Variants in F8 observed in about 807,000 individuals in gnomAD.
F8 encodes antihemophilic factor.
A neutral mutation model predicts 140.6 loss-of-function variants in F8; 12 were observed. The observed-to-expected ratio is 0.09, with a 90% CI of 0.05 to 0.14. F8 has a LOEUF of 0.14. F8 is among the 10% of genes least tolerant of loss of function. F8 has a pLI of 1.00. For missense variants in F8, 1,354 were observed against 1,720.7 expected (o/e 0.79, Z 3.77); for synonymous variants, 585 against 614.6 (o/e 0.95, Z 0.71).
rs1012836682 is a variant in F8, at chrX:154,964,450, A to G, written c.1443+1520T>C. Among the ~76,000 whole-genome samples the G allele has an allele frequency of 4.5e-5, 5 of 112,323 alleles. No individual in the cohort carries two copies. In the South Asian group the frequency reaches 1.8e-3, roughly 41 times the overall value. On this transcript the variant is annotated intron_variant, in intron 9 of 25. Coordinates refer to ENST00000360256, the MANE Select transcript of F8 (RefSeq NM_000132.4). Reference sequence around the variant, plus strand: ...GCTAATAAAAATTTTGAAGAAGTACAATGAAAGAAGATGTCATACAGATAT... The same window carrying G: ...GCTAATAAAAATTTTGAAGAAGTACGATGAAAGAAGATGTCATACAGATAT...
rs2073424711 is a variant in F8 at position 154,966,489 on chromosome X, T to C, written c.1208A>G (p.His403Arg). The C allele has an allele frequency of 8.3e-7, 1 of 1,211,639 alleles. No homozygotes were observed. Among genetic ancestry groups the C allele is most frequent in the East Asian group, 3.0e-5 (1 of 33,846 alleles). Residue 403 changes from histidine (H) to arginine (R), a missense_variant, in exon 8 of 26, where the codon CAT (histidine) becomes CGT (arginine). This residue lies in a region of F8 where 252 missense variants were observed against 338.5 expected (regional missense o/e 0.74). Transcript: ENST00000360256. ...VAKKHPKTWV[H>R]YIAAEEEDWD... ...GTCCTCCTCTTCAGCAGCAATGTAA[T>C]GTACCCAAGTTTTAGGATGCTTCTT...
At chrX:154,956,851 C>T in intron 11 of F8, 106 bp downstream of exon 11, 1 of 714,017 alleles carries the variant, frequency 1.4e-6, no homozygotes, top group Admixed American at 2.2e-5. Context: ...AAAAGCTAAG[C>T]TCATTTCTTT....
chrX:154,941,793 C>G (rs1158626412), intron 13 of F8, among the ~76,000 whole-genome samples: 3 of 109,526 alleles, frequency 2.7e-5, no homozygotes, highest in Non-Finnish European at 3.8e-5. Context: ...AAATGTAAAA[C>G]AACAGAAATT....
intron 1 of F8, among the ~76,000 whole-genome samples, chrX:155,005,920 T>C (rs1369865261): frequency 9.0e-6 from 1 of 111,676 alleles, no homozygotes; most frequent in Non-Finnish European, 1.9e-5. Flanking sequence ...TTATTCAGAC[T>C]GTATCACCTC....
chrX:154,959,326 C>T (rs1398611265), intron 10 of F8, among the ~76,000 whole-genome samples: 2 of 111,145 alleles, frequency 1.8e-5, no homozygotes, highest in Non-Finnish European at 3.8e-5. Flanking sequence ...GCAGAGGTTG[C>T]AGTGAGCCAA....
chrX:154,860,129 C>T (rs1322336494), intron 25 of F8, among the ~76,000 whole-genome samples: 1 of 111,509 alleles, frequency 9.0e-6, no homozygotes, highest in African/African-American at 3.3e-5. Context: ...TCCAGCAAAC[C>T]CAGATTAAGA....
Position 154,953,843 on chromosome X carries a change from A to T in F8, c.1903+49T>A, listed in dbSNP as rs2073349689. The T allele has an allele frequency of 1.3e-5, 15 of 1,195,546 alleles. No individual in the cohort carries two copies. In the East Asian group the frequency reaches 4.4e-4, roughly 35 times the overall value. ...ATCTGGACATCACTTTGATTACATC[A>T]ATTTTTCTTTATTCACCACCCACTG... On this transcript the variant is annotated intron_variant, in intron 12 of 25. Transcript: ENST00000360256.
intron 3 of F8, among the ~76,000 whole-genome samples, chrX:154,993,577 A>G (rs1304591504): frequency 8.9e-6 from 1 of 111,806 alleles, no homozygotes; most frequent in Non-Finnish European, 1.9e-5. Flanking sequence ...AATTTGAAAA[A>G]CTAACAAGCA....
At chrX:155,009,861 G>A (rs781790059) in intron 1 of F8, among the ~76,000 whole-genome samples, 31 of 112,008 alleles carry the variant, frequency 2.8e-4, no homozygotes, top group Non-Finnish European at 5.1e-4. Flanking sequence ...AGAGCACACA[G>A]AAACACTTTT....
Position 154,992,949 on chromosome X carries a change from T to C in F8, c.588A>G (p.Leu196=). The C allele has an allele frequency of 8.3e-7, 1 of 1,209,717 alleles. No individual in the cohort carries two copies. The highest frequency in any genetic ancestry group is 1.1e-6 in the Non-Finnish European group (1 of 893,630). Residue 196 remains leucine, a synonymous_variant, in exon 4 of 26, where the codon CTA becomes CTG. Coordinates refer to ENST00000360256, the MANE Select transcript of F8 (RefSeq NM_000132.4). ...DLNSGLIGAL[L]VCREGSLAKE... ...TCATACACTTACCTTCTCTACATAC[T>C]AGTAGGGCTCCAATGAGGCCTGAAT...
At chrX:154,896,039 A>AGTATTC in intron 22 of F8, 38 bp downstream of exon 22, 1 of 1,183,429 alleles carries the variant, frequency 8.5e-7, no homozygotes, top group African/African-American at 1.7e-5. Flanking sequence ...AATTCTTTAA[A>AGTATTC]GTATTCAGGC....
At chrX:154,849,117 G>A (rs782168100) in intron 25 of F8, among the ~76,000 whole-genome samples, 1 of 110,443 alleles carries the variant, frequency 9.1e-6, no homozygotes, top group Non-Finnish European at 1.9e-5. Context: ...GGGACTACAG[G>A]TGTCCGCCAC....
intron 14 of F8, among the ~76,000 whole-genome samples, chrX:154,907,560 G>C (rs1433621287): frequency 2.7e-5 from 3 of 112,047 alleles, no homozygotes; most frequent in African/African-American, 9.7e-5. Flanking sequence ...CAATGTATGA[G>C]AGTTCCATTT....
intron 20 of F8, among the ~76,000 whole-genome samples, chrX:154,900,414 A>G (rs2073003597): frequency 9.1e-6 from 1 of 110,246 alleles, no homozygotes; most frequent in African/African-American, 3.3e-5. Context: ...TTGTATTTTT[A>G]GTAGAGACGG....
At chrX:154,923,286 T>C (rs2073141580) in intron 14 of F8, among the ~76,000 whole-genome samples, 1 of 112,221 alleles carries the variant, frequency 8.9e-6, no homozygotes, top group Non-Finnish European at 1.9e-5. Flanking sequence ...TCTCTTGGCT[T>C]GTAACCTGCT....
Position 154,992,921 on chromosome X carries a change from C to T in F8, c.601+15G>A. ...CTGCTTATTTCATCTCAATCCTACG[C>T]TTTCATACACTTACCTTCTCTACAT... On this transcript the variant is annotated intron_variant, in intron 4 of 25. Transcript: ENST00000360256. The T allele has an allele frequency of 8.4e-7, 1 of 1,189,210 alleles. No homozygotes were observed. Among genetic ancestry groups the T allele is most frequent in the African/African-American group, 1.7e-5 (1 of 57,357 alleles).
At position 154,969,400 on chromosome X, in the gene F8, T is replaced by C. The variant is rs137852406; in HGVS notation, c.940A>G (p.Thr314Ala). ...SLEISPITFL[T>A]AQTLLMDLGQ... ...AGGTCCATCAAGAGTGTTTGAGCAG[T>C]AAGGAAAGTTATTGGCGAGATTTCC... The change falls in exon 7 of 26, where the codon ACT becomes GCT. Residue 314 changes from threonine to alanine, a missense_variant. By Grantham distance (58) the Thr-to-Ala change is moderately conservative. Transcript: ENST00000360256. 1.7e-6 allele frequency: 2 copies of C among 1,211,653 alleles called. No homozygotes were observed. The highest frequency in any genetic ancestry group is 2.2e-6 in the Non-Finnish European group (2 of 895,335).
chrX:154,870,609 T>C (rs1365955469), intron 22 of F8, among the ~76,000 whole-genome samples: 1 of 111,717 alleles, frequency 9.0e-6, no homozygotes, highest in African/African-American at 3.3e-5. Context: ...GGGCAAAAAC[T>C]GGAAGCATTC....
intron 13 of F8, among the ~76,000 whole-genome samples, chrX:154,943,164 C>A (rs2073279883): frequency 9.0e-6 from 1 of 111,538 alleles, no homozygotes; most frequent in Non-Finnish European, 1.9e-5. Context: ...GAAGTTCTGG[C>A]CAGGGCAATT....
Sources: gnomAD v4.1 joint callset for allele counts (sites outside exome capture counted in the v4.1 genomes callset) on GRCh38, gnomAD v4.1.1 for gene constraint, gnomAD v4.1.1 regional missense constraint, MANE v1.5 for transcripts, NCBI Gene and HGNC (gene_info 2026-07-23, HGNC 2026-07-21) for gene names.